The following CAB39L variants were observed in gnomAD, a reference collection of about 807,000 sequenced individuals.
CAB39L encodes the protein calcium-binding protein 39-like.
CAB39L carries 23 observed loss-of-function variants against 39.1 expected under a neutral mutation model. The observed-to-expected ratio is 0.59, with a 90% CI of 0.42 to 0.83. The LOEUF (loss-of-function observed/expected upper bound fraction) is 0.83, where lower values mean the gene tolerates loss of function less well. Ranked by LOEUF, CAB39L falls within the 40% of genes least tolerant of loss-of-function variation. The pLI is 0.00. For missense variants in CAB39L, 366 were observed against 391.9 expected, an observed-to-expected ratio of 0.93 and a Z score of 0.56; for synonymous variants, 126 against 137.2, an observed-to-expected ratio of 0.92 and a Z score of 0.57.
At chr13:49,340,706 T>A (rs1170275068) in intron 8 of CAB39L, among the ~76,000 whole-genome samples, 1 of 152,170 alleles carries the variant, frequency 6.6e-6, no homozygotes, top group African/African-American at 2.4e-5. Flanking sequence ...ATAGTAAATA[T>A]AAAATGCAAA....
At chr13:49,376,211 G>A (rs1216249307) in intron 5 of CAB39L, among the ~76,000 whole-genome samples, 1 of 152,170 alleles carries the variant, frequency 6.6e-6, no homozygotes, top group Non-Finnish European at 1.5e-5. Flanking sequence ...GGAGACCCAA[G>A]TACCTACCTG....
chr13:49,312,100 G>C (rs530626443), intron 10 of CAB39L, among the ~76,000 whole-genome samples: 2 of 152,298 alleles, frequency 1.3e-5, no homozygotes, highest in Admixed American at 6.5e-5. Context: ...GACTATGACT[G>C]CCAAGGCTGG....
intron 5 of CAB39L, 125 bp from the exon 6 acceptor site, chr13:49,359,957 A>G: frequency 1.8e-6 from 1 of 566,642 alleles, no homozygotes; most frequent in Non-Finnish European, 3.1e-6. Context: ...AATATGCAAA[A>G]AAACGTTAAC....
At chr13:49,384,560 A>C (rs61950800) in intron 3 of CAB39L, among the ~76,000 whole-genome samples, 2,451 of 152,304 alleles carry the variant, frequency 0.016, 30 homozygotes, top group Middle Eastern at 0.031. Flanking sequence ...AGGAATCACT[A>C]TCTATGGCTG....
At chr13:49,392,762 A>G (rs1256845840) in intron 3 of CAB39L, among the ~76,000 whole-genome samples, 2 of 152,214 alleles carry the variant, frequency 1.3e-5, no homozygotes, top group Non-Finnish European at 2.9e-5. Context: ...CATTATTTTC[A>G]GTTTAAATAT....
chr13:49,342,302 G>A (rs1955029106), intron 8 of CAB39L, among the ~76,000 whole-genome samples: 1 of 152,076 alleles, frequency 6.6e-6, no homozygotes, highest in Non-Finnish European at 1.5e-5. Context: ...CATCAAAAAT[G>A]TACTTCTTTT....
Position 49,339,532 on chromosome 13 carries a change from A to T in CAB39L, c.690+145T>A, listed in dbSNP as rs186503583. 69 of 938,950 alleles carry T rather than the reference A, an allele frequency of 7.3e-5. No homozygotes were observed. In the African/African-American group the frequency reaches 1.2e-3, roughly 16 times the overall value. 58.2% of individuals were successfully genotyped at this position (938,950 alleles called of 1,614,324 possible). On this transcript the variant is annotated intron_variant, in intron 9 of 10. Coordinates refer to ENST00000409308, the MANE Select transcript of CAB39L (RefSeq NM_001079670.3). ...TATTTTGCTATAAAATACAGTCATA[A>T]CATAAAATATAGTAAATACTTCTCA... is the stretch of plus-strand genomic sequence containing the variant.
At chr13:49,429,385 A>T (rs1957286775) in intron 3 of CAB39L, among the ~76,000 whole-genome samples, 1 of 152,202 alleles carries the variant, frequency 6.6e-6, no homozygotes, top group Non-Finnish European at 1.5e-5. Flanking sequence ...GAGTCACTGC[A>T]CCCAGCAAAA....
intron 3 of CAB39L, among the ~76,000 whole-genome samples, chr13:49,396,983 T>C (rs1427804349): frequency 6.6e-6 from 1 of 152,212 alleles, no homozygotes; most frequent in Admixed American, 6.5e-5. Context: ...TATTTGCTAC[T>C]GTATCCAAGA....
In CAB39L at chr13:49,379,567, G is replaced by A. The variant is rs1347718966; in HGVS notation, c.112-2436C>T. Reference sequence around the variant, plus strand: ...AGGGACACAAACACTGCGGAAGGCCGCAGGGTCCTCTGCCTAGGAAAACCA... The same window carrying A: ...AGGGACACAAACACTGCGGAAGGCCACAGGGTCCTCTGCCTAGGAAAACCA... On this transcript the variant is annotated intron_variant, in intron 4 of 10. Coordinates refer to ENST00000409308, the MANE Select transcript of CAB39L (RefSeq NM_001079670.3). 2.9e-4 allele frequency among the ~76,000 whole-genome samples: 14 copies of A among 47,594 alleles called. 2 individuals are homozygous for A. The highest frequency in any genetic ancestry group is 5.2e-4 in the East Asian group (2 of 3,818). The allele number at this position is 47,594 out of a possible 152,430, so 31.2% of individuals were successfully genotyped here.
chr13:49,333,568 C>CTTTTTTTTTTTT (rs796079933), intron 9 of CAB39L, among the ~76,000 whole-genome samples: 29 of 111,848 alleles, frequency 2.6e-4, no homozygotes, highest in East Asian at 4.7e-4. Flanking sequence ...TTCTTTCTTT[C>CTTTTTTTTTTTT]TTTTTTTTTT....
chr13:49,376,913 A>AGATG (rs1048262096), intron 5 of CAB39L, 54 bp downstream of exon 5: 1 of 1,408,488 alleles, frequency 7.1e-7, no homozygotes, highest in African/African-American at 1.4e-5. Flanking sequence ...ATAGATAGAT[A>AGATG]GATAGATATT....
intron 5 of CAB39L, among the ~76,000 whole-genome samples, chr13:49,362,233 CT>C (rs913090160): frequency 6.6e-6 from 1 of 151,798 alleles, no homozygotes; most frequent in Non-Finnish European, 1.5e-5. Context: ...AAAACATGAC[CT>C]CAACAACTGA....
intron 6 of CAB39L, 180 bp from the exon 7 acceptor site, chr13:49,351,092 G>T: frequency 3.1e-5 from 11 of 358,034 alleles, no homozygotes; most frequent in Non-Finnish European, 4.9e-5. Flanking sequence ...ACGTATTCTG[G>T]AATTTGAGTG....
At position 49,331,944 on chromosome 13, in the gene CAB39L, T is replaced by C. The variant is rs1485791103; in HGVS notation, c.834+3A>G. 3 of 1,613,944 alleles carry C rather than the reference T, an allele frequency of 1.9e-6. No individual in the cohort carries two copies. Among genetic ancestry groups the C allele is most frequent in the African/African-American group, 1.3e-5 (1 of 74,924 alleles). On this transcript the variant is annotated splice_donor_region_variant and intron_variant, in intron 10 of 10. Coordinates refer to ENST00000409308, the MANE Select transcript of CAB39L (RefSeq NM_001079670.3). ...CATTGTTTCCAGAGCTTGTACTTTT[T>C]ACCTTAAAAACATGAAAGGCTTCAA...
chr13:49,347,183 T>C (rs567223555), intron 7 of CAB39L, among the ~76,000 whole-genome samples: 95 of 152,206 alleles, frequency 6.2e-4, no homozygotes, highest in Middle Eastern at 3.2e-3. Flanking sequence ...TTTCCAAAAC[T>C]GACAGCATAC....
intron 7 of CAB39L, among the ~76,000 whole-genome samples, chr13:49,346,761 A>G (rs1251734744): frequency 6.6e-6 from 1 of 152,186 alleles, no homozygotes; most frequent in Non-Finnish European, 1.5e-5. Flanking sequence ...GATGTGGAAA[A>G]TAAAACTCAA....
At chr13:49,334,705 A>G (rs1366344332) in intron 9 of CAB39L, among the ~76,000 whole-genome samples, 1 of 152,230 alleles carries the variant, frequency 6.6e-6, no homozygotes, top group Non-Finnish European at 1.5e-5. Context: ...TGTTGGGGAA[A>G]TAAAAGTCCT....
At chr13:49,362,857 G>GA (rs1955671907) in intron 5 of CAB39L, among the ~76,000 whole-genome samples, 1 of 152,054 alleles carries the variant, frequency 6.6e-6, no homozygotes, top group Admixed American at 6.6e-5. Flanking sequence ...CAGGTGAAAA[G>GA]AAACAAATAA....
Sources: allele counts gnomAD v4.1 joint callset (sites outside exome capture counted in the v4.1 genomes callset), GRCh38; gene constraint gnomAD v4.1.1; transcripts MANE v1.5; gene names NCBI Gene and HGNC (gene_info 2026-07-23, HGNC 2026-07-21).